Variants in GPC5 observed in about 807,000 individuals in gnomAD.
GPC5 encodes glypican 5.
Under a neutral mutation model 53.9 loss-of-function variants are expected in GPC5, and 47 were observed. The ratio of observed to expected loss-of-function variants is 0.87; its 90% CI spans 0.69 to 1.11. The LOEUF is 1.11. GPC5 is among the 50% of genes most tolerant of loss of function. GPC5 has a pLI of 0.00. For synonymous variants in GPC5, 286 were observed against 263.3 expected, an observed-to-expected ratio of 1.09 and a Z score of -0.84; for missense variants, 748 against 713.1, an observed-to-expected ratio of 1.05 and a Z score of -0.56.
chr13:91,519,565 T>A (rs374127504), intron 2 of GPC5, among the ~76,000 whole-genome samples: 24 of 152,198 alleles, frequency 1.6e-4, no homozygotes, highest in African/African-American at 5.5e-4. Flanking sequence ...TGTGTCTACT[T>A]CCCCTTTGCT....
intron 7 of GPC5, among the ~76,000 whole-genome samples, chr13:92,580,298 A>T (rs1883329765): frequency 6.6e-6 from 1 of 152,228 alleles, no homozygotes; most frequent in African/African-American, 2.4e-5. Context: ...AATGTAAATA[A>T]AAGAATAATT....
At chr13:92,121,713 T>C (rs1234324568) in intron 6 of GPC5, among the ~76,000 whole-genome samples, 2 of 152,332 alleles carry the variant, frequency 1.3e-5, no homozygotes, top group East Asian at 3.9e-4. Context: ...AGGACAATTC[T>C]ATTCACCTTC....
chr13:92,285,842 A>G (rs143945149), intron 7 of GPC5, among the ~76,000 whole-genome samples: 1,876 of 152,304 alleles, frequency 0.012, 36 homozygotes, highest in Middle Eastern at 0.044. Context: ...CAAGGACTTC[A>G]TGTTGAAACA....
At chr13:91,904,142 T>TTC (rs1338629656) in intron 5 of GPC5, among the ~76,000 whole-genome samples, 36 of 139,496 alleles carry the variant, frequency 2.6e-4, no homozygotes, top group African/African-American at 7.9e-4. Flanking sequence ...TTTTCTTTCT[T>TTC]TTTTTTTTTT....
At chr13:92,031,833 A>AATATATTACATATTATATATAATATG (rs2040851431) in intron 6 of GPC5, among the ~76,000 whole-genome samples, 3 of 97,774 alleles carry the variant, frequency 3.1e-5, no homozygotes, top group African/African-American at 1.5e-4. Flanking sequence ...TATATAATAT[A>AATATATTACATATTATATATAATATG]TAATATATTA....
At chr13:92,048,125 C>A (rs962935149) in intron 6 of GPC5, among the ~76,000 whole-genome samples, 1 of 151,852 alleles carries the variant, frequency 6.6e-6, no homozygotes, top group Non-Finnish European at 1.5e-5. Flanking sequence ...AGACATGGAG[C>A]CAAATAATCA....
chr13:92,382,705 G>A (rs1483631298), intron 7 of GPC5, among the ~76,000 whole-genome samples: 1 of 152,084 alleles, frequency 6.6e-6, no homozygotes, highest in East Asian at 1.9e-4. Flanking sequence ...ACATTATAAT[G>A]CACATCATAA....
At chr13:91,573,965 C>T (rs374499174) in intron 2 of GPC5, among the ~76,000 whole-genome samples, 1 of 152,242 alleles carries the variant, frequency 6.6e-6, no homozygotes, top group African/African-American at 2.4e-5. Context: ...GTCACTACAT[C>T]CTGCCACTTG....
intron 6 of GPC5, among the ~76,000 whole-genome samples, chr13:92,109,981 G>A (rs1041173432): frequency 6.6e-6 from 1 of 152,060 alleles, no homozygotes; most frequent in African/African-American, 2.4e-5. Context: ...GCAGAGAAAT[G>A]ATAAATATAA....
intron 7 of GPC5, among the ~76,000 whole-genome samples, chr13:92,262,597 C>T (rs575540439): frequency 6.6e-6 from 1 of 152,216 alleles, no homozygotes; most frequent in African/African-American, 2.4e-5. Context: ...TTCATTTGAA[C>T]AGAGCAATTG....
intron 7 of GPC5, among the ~76,000 whole-genome samples, chr13:92,861,339 A>G (rs1879174610): frequency 6.6e-6 from 1 of 152,146 alleles, no homozygotes; most frequent in African/African-American, 2.4e-5. Flanking sequence ...AACATTTTAA[A>G]CACTTTTAAT....
intron 2 of GPC5, among the ~76,000 whole-genome samples, chr13:91,493,625 A>G (rs1884062439): frequency 6.6e-6 from 1 of 151,976 alleles, no homozygotes; most frequent in Non-Finnish European, 1.5e-5. Flanking sequence ...ATAAAAAACC[A>G]ACTCGCAAGG....
chr13:91,886,042 G>A (rs1375631970), intron 5 of GPC5, among the ~76,000 whole-genome samples: 2 of 152,072 alleles, frequency 1.3e-5, no homozygotes, highest in Admixed American at 1.3e-4. Context: ...CAGGGTTTGA[G>A]ATTGCGTTAG....
chr13:91,545,947 A>G, intron 2 of GPC5, among the ~76,000 whole-genome samples: 1 of 152,120 alleles, frequency 6.6e-6, no homozygotes, highest in Middle Eastern at 3.2e-3. Context: ...TATTTAGAAT[A>G]ATTTAATATT....
At chr13:92,621,731 A>T (rs1230646761) in intron 7 of GPC5, among the ~76,000 whole-genome samples, 3 of 152,052 alleles carry the variant, frequency 2.0e-5, no homozygotes, top group Non-Finnish European at 4.4e-5. Context: ...AGGCATGGGA[A>T]TTGCTTGAAC....
At chr13:91,999,941 T>A (rs1161394117) in intron 6 of GPC5, among the ~76,000 whole-genome samples, 2 of 152,212 alleles carry the variant, frequency 1.3e-5, no homozygotes, top group African/African-American at 4.8e-5. Flanking sequence ...TATAATAAAC[T>A]GAAAAGTTCT....
rs80054064 is a variant in GPC5 at position 91,546,874 on chromosome 13, G to A, written c.325+97952G>A. ...AAGAATGAATTGAAGTGGATACAGT[G>A]GTTAGGTAGACCAATTTTCAGACTG... On this transcript the variant is annotated intron_variant, in intron 2 of 7. Coordinates refer to ENST00000377067, the MANE Select transcript of GPC5 (RefSeq NM_004466.6). Among the ~76,000 whole-genome samples the A allele has an allele frequency of 9.5e-3, 1,444 of 152,138 alleles. 47 individuals are homozygous for A. In the East Asian group the frequency reaches 0.12, roughly 13 times the overall value.
At chr13:92,125,924 G>GTTTTTTTTTTTTTTTT (rs1190169532) in intron 6 of GPC5, among the ~76,000 whole-genome samples, 3 of 75,876 alleles carry the variant, frequency 4.0e-5, no homozygotes, top group African/African-American at 1.1e-4. Context: ...TTGTTTTTTG[G>GTTTTTTTTTTTTTTTT]TTTTTTTTTT....
chr13:92,155,572 C>T (rs557419040), intron 7 of GPC5, among the ~76,000 whole-genome samples: 66 of 151,958 alleles, frequency 4.3e-4, no homozygotes, highest in Non-Finnish European at 8.4e-4. Flanking sequence ...ACCTATTTTT[C>T]GTTTGTTGAA....
Sources: gnomAD v4.1 joint callset for allele counts (sites outside exome capture counted in the v4.1 genomes callset) on GRCh38, gnomAD v4.1.1 for gene constraint, MANE v1.5 for transcripts, NCBI Gene and HGNC (gene_info 2026-07-23, HGNC 2026-07-21) for gene names.